PPP6R2: variants seen among roughly 807,000 people sequenced by gnomAD.
PPP6R2 encodes serine/threonine-protein phosphatase 6 regulatory subunit 2.
Under a neutral mutation model 100.2 loss-of-function variants are expected in PPP6R2, and 62 were observed. That is an observed-to-expected ratio of 0.62 (90% CI 0.50 to 0.76). The LOEUF (loss-of-function observed/expected upper bound fraction) is 0.76. PPP6R2 is among the 30% of genes least tolerant of loss of function. The probability of loss-of-function intolerance (pLI) is 0.00; values close to 1 mark genes in which losing one functional copy is unlikely to be tolerated. For missense variants in PPP6R2, 1,142 were observed against 1,276.3 expected, an observed-to-expected ratio of 0.89 and a Z score of 1.60; for synonymous variants, 525 against 514.7, an observed-to-expected ratio of 1.02 and a Z score of -0.27.
intron 1 of PPP6R2, among the ~76,000 whole-genome samples, chr22:50,364,043 C>T (rs1478099847): frequency 6.6e-6 from 1 of 152,014 alleles, no homozygotes. Context: ...TACAGGCATG[C>T]ACCACCACGT....
chr22:50,350,578 G>T (rs1420655144), intron 1 of PPP6R2, among the ~76,000 whole-genome samples: 1 of 151,752 alleles, frequency 6.6e-6, no homozygotes, highest in Non-Finnish European at 1.5e-5. Context: ...GGGCGCGGTG[G>T]CTCACGCCTG....
chr22:50,388,467 G>A (rs2054727208), intron 2 of PPP6R2, among the ~76,000 whole-genome samples: 1 of 151,966 alleles, frequency 6.6e-6, no homozygotes, highest in Non-Finnish European at 1.5e-5. Flanking sequence ...TTGGGAGGCT[G>A]ATGTGGGAGG....
intron 22 of PPP6R2, among the ~76,000 whole-genome samples, chr22:50,442,421 G>A (rs868549236): frequency 5.3e-5 from 8 of 152,260 alleles, no homozygotes; most frequent in African/African-American, 9.6e-5. Flanking sequence ...GGCACAGCAC[G>A]GGAAACGGGG....
Position 50,438,605 on chromosome 22 carries a change from A to G in PPP6R2, c.1971A>G (p.Gly657=), listed in dbSNP as rs1295419723. The part of the protein sequence containing the change: ...AARVMARPRF[G]APHASESCSK... ...GACTCTGAATCTCCCCCAGGTTTGGAGCCCCCCATGCTTCAGAGAGTTGCT... is the reference window on the plus strand; with the variant it reads ...GACTCTGAATCTCCCCCAGGTTTGGGGCCCCCCATGCTTCAGAGAGTTGCT... The change falls in exon 19 of 24, where the codon GGA becomes GGG. Residue 657 remains glycine, a synonymous_variant. Coordinates refer to ENST00000612753, the MANE Select transcript of PPP6R2 (RefSeq NM_001242898.2). The G allele has an allele frequency of 6.2e-7, 1 of 1,613,512 alleles. No homozygotes were observed. The highest frequency in any genetic ancestry group is 1.7e-5 in the Admixed American group (1 of 59,936).
intron 8 of PPP6R2, among the ~76,000 whole-genome samples, chr22:50,421,585 G>T (rs967725996): frequency 6.6e-6 from 1 of 151,984 alleles, no homozygotes; most frequent in Non-Finnish European, 1.5e-5. Flanking sequence ...TGGAAAGAGT[G>T]TTTAAATAAA....
At position 50,437,000 on chromosome 22, in the gene PPP6R2, C is replaced by T; in HGVS notation, c.1615C>T (p.His539Tyr). The T allele has an allele frequency of 6.4e-7, 1 of 1,557,644 alleles. No individual in the cohort carries two copies. Among genetic ancestry groups the T allele is most frequent in the Non-Finnish European group, 8.7e-7 (1 of 1,150,772 alleles). The change falls in exon 15 of 24, where the codon CAC (histidine) becomes TAC (tyrosine). Residue 539 changes from histidine to tyrosine, a missense_variant. His to Tyr is a moderately conservative substitution (Grantham distance 83). Around this residue, in one of 2 missense-constraint regions of PPP6R2, gnomAD observed 592 missense variants for 758.9 expected, o/e 0.78. Coordinates refer to ENST00000612753, the MANE Select transcript of PPP6R2 (RefSeq NM_001242898.2). ...GCCTGTGTTTTAGGTGAGCACTCAC[C>T]ACCTTCACTCCTCAAGTGAGGACGA... ...RNTVDLVSTH[H>Y]LHSSSEDEDI...
chr22:50,346,859 C>A (rs978736333), intron 1 of PPP6R2, among the ~76,000 whole-genome samples: 1 of 137,724 alleles, frequency 7.3e-6, no homozygotes, highest in Non-Finnish European at 1.5e-5. Context: ...TCTGTCATGT[C>A]CCCACTTCCC....
chr22:50,443,948 C>T lies in PPP6R2; in HGVS notation c.2662C>T (p.Pro888Ser), dbSNP rs753070844. The change falls in exon 23 of 24, where the codon CCC (proline) becomes TCC (serine). Residue 888 changes from proline to serine, a missense_variant. Around this residue, in one of 2 missense-constraint regions of PPP6R2, gnomAD observed 550 missense variants for 517.4 expected, o/e 1.06. Coordinates refer to ENST00000612753, the MANE Select transcript of PPP6R2 (RefSeq NM_001242898.2). Reference protein sequence around the residue: ...EVTAAPAVAVPPEATVAITTA... With the variant: ...EVTAAPAVAVSPEATVAITTA... ...GACTGCTGCCCCAGCCGTGGCTGTG[C>T]CCCCCGAGGCTACTGTGGCCATCAC... The T allele has an allele frequency of 2.5e-6, 4 of 1,609,526 alleles. No homozygotes were observed. Among genetic ancestry groups the T allele is most frequent in the Admixed American group, 3.4e-5 (2 of 59,536 alleles).
At chr22:50,442,739 A>T (rs2065974596) in intron 22 of PPP6R2, among the ~76,000 whole-genome samples, 1 of 151,716 alleles carries the variant, frequency 6.6e-6, no homozygotes, top group African/African-American at 2.4e-5. Flanking sequence ...TTTTTAGTAG[A>T]GACGGGGTTT....
At chr22:50,438,034 T>G in intron 17 of PPP6R2, 134 bp downstream of exon 17, 1 of 1,492,372 alleles carries the variant, frequency 6.7e-7, no homozygotes, top group Non-Finnish European at 9.1e-7. Context: ...GAACAGTCGC[T>G]TTCCTTGCCC....
chr22:50,342,196 G>A (rs2042480020), upstream of PPP6R2, among the ~76,000 whole-genome samples: 1 of 152,202 alleles, frequency 6.6e-6, no homozygotes, highest in African/African-American at 2.4e-5. Flanking sequence ...CATGGTGAGG[G>A]CAGGAGAAGG....
rs554991618 is a variant in PPP6R2 at position 50,436,380 on chromosome 22, C to T, written c.1530C>T (p.Asp510=). 21 of 1,580,060 alleles carry T rather than the reference C, an allele frequency of 1.3e-5. No individual in the cohort carries two copies. The South Asian group carries it at 2.2e-4, about 17-fold the overall frequency. ...CTTCCCTTGCAGGGCTCCCTGCGGA[C>T]TGCCGTGGCCGCTGGGAGAGCTTCG... ...ISEVIRGLPA[D]CRGRWESFVE... The change falls in exon 14 of 24, where the codon GAC becomes GAT. Residue 510 remains aspartate, a synonymous_variant. Transcript: ENST00000612753.
chr22:50,359,465 C>T (rs2047352188), intron 1 of PPP6R2, among the ~76,000 whole-genome samples: 1 of 152,134 alleles, frequency 6.6e-6, no homozygotes, highest in South Asian at 2.1e-4. Context: ...GATCTGCCCG[C>T]CTCGGCCTCC....
chr22:50,369,772 C>T (rs943348972), intron 1 of PPP6R2, among the ~76,000 whole-genome samples: 32 of 152,082 alleles, frequency 2.1e-4, no homozygotes, highest in African/African-American at 7.5e-4. Flanking sequence ...TCCCAAAGTG[C>T]TGGGATTACA....
chr22:50,357,948 A>T (rs2046965888), intron 1 of PPP6R2, among the ~76,000 whole-genome samples: 1 of 151,288 alleles, frequency 6.6e-6, no homozygotes, highest in African/African-American at 2.4e-5. Flanking sequence ...AATTTTTTAA[A>T]TTTTTTAAAT....
chr22:50,422,467 A>G (rs2061465015), intron 9 of PPP6R2, 87 bp downstream of exon 9: 5 of 1,533,038 alleles, frequency 3.3e-6, no homozygotes, highest in African/African-American at 1.4e-5. Flanking sequence ...AGCTTGTCCC[A>G]TAGGTAGCAG....
rs775531335 is a variant in PPP6R2, at chr22:50,406,893, C to A, written c.414+18C>A. The A allele has an allele frequency of 1.9e-6, 3 of 1,605,972 alleles. No homozygotes were observed. ...CCGAACAGGTAAATCACGTGCAAAG[C>A]CTCCGTGACTTGGGGCACCGTCATG... On this transcript the variant is annotated intron_variant, in intron 4 of 23. Transcript: ENST00000612753.
chr22:50,376,730 C>CTT (rs1244445127), intron 2 of PPP6R2, among the ~76,000 whole-genome samples: 1 of 151,874 alleles, frequency 6.6e-6, no homozygotes, highest in Non-Finnish European at 1.5e-5. Flanking sequence ...GCTGAGTGTG[C>CTT]TTCTTATTTT....
At chr22:50,338,305 TGTGTGTGTGGTGTGTG>T (rs1212172061), upstream of PPP6R2, among the ~76,000 whole-genome samples, 1 of 135,404 alleles carries the variant, frequency 7.4e-6, no homozygotes, top group Non-Finnish European at 1.6e-5. Context: ...TAGTGTGTGG[TGTGTGTGTGGTGTGTG>T]GTGTGTGTGT....
Sources: gnomAD v4.1 joint callset for allele counts (sites outside exome capture counted in the v4.1 genomes callset) on GRCh38, gnomAD v4.1.1 for gene constraint, gnomAD v4.1.1 regional missense constraint, MANE v1.5 for transcripts, NCBI Gene and HGNC (gene_info 2026-07-23, HGNC 2026-07-21) for gene names.